Variants in FOXN3 observed in about 807,000 individuals in gnomAD.
FOXN3 encodes forkhead box N3, also known as forkhead box protein N3.
A neutral mutation model predicts 38.4 loss-of-function variants in FOXN3; 7 were observed. The observed-to-expected ratio is 0.18, with a 90% CI of 0.10 to 0.34. The LOEUF is 0.34. FOXN3 is among the 10% of genes least tolerant of loss of function. The pLI is 1.00. For missense variants in FOXN3, 456 were observed against 613.4 expected (o/e 0.74, Z 2.71); for synonymous variants, 230 against 242.2 (o/e 0.95, Z 0.47).
chr14:89,218,859 C>G (rs985690372), intron 4 of FOXN3, among the ~76,000 whole-genome samples: 1 of 152,176 alleles, frequency 6.6e-6, no homozygotes, highest in Non-Finnish European at 1.5e-5. Flanking sequence ...TTCTATTGTA[C>G]GTTTTGTGGC....
chr14:89,263,722 T>C (rs1306201713), intron 4 of FOXN3: 1 of 152,226 alleles, frequency 6.6e-6, no homozygotes, highest in Non-Finnish European at 1.5e-5. Flanking sequence ...AGCAAAGCCC[T>C]TGTATGTGTA....
intron 1 of FOXN3, among the ~76,000 whole-genome samples, chr14:89,611,698 G>C (rs892369450): frequency 7.2e-5 from 11 of 152,010 alleles, no homozygotes; most frequent in South Asian, 4.2e-4. Flanking sequence ...CCCAGCTGCT[G>C]GGGAGGCTGA....
intron 1 of FOXN3, among the ~76,000 whole-genome samples, chr14:89,534,926 A>C (rs1355062993): frequency 6.6e-6 from 1 of 152,214 alleles, no homozygotes; most frequent in Non-Finnish European, 1.5e-5. Flanking sequence ...ATTTCTGCCC[A>C]CATCTCAGAA....
chr14:89,425,243 G>C (rs1017708673), intron 1 of FOXN3, among the ~76,000 whole-genome samples: 9 of 151,864 alleles, frequency 5.9e-5, no homozygotes, highest in Admixed American at 2.0e-4. Context: ...GCTATTGTTT[G>C]TATTTTCAGT....
At chr14:89,478,388 C>T (rs1053152580) in intron 1 of FOXN3, among the ~76,000 whole-genome samples, 2 of 152,150 alleles carry the variant, frequency 1.3e-5, no homozygotes. Context: ...CTAATACAAA[C>T]AAGGGCTGTT....
chr14:89,220,972 C>T (rs775534253), intron 4 of FOXN3, among the ~76,000 whole-genome samples: 1 of 151,974 alleles, frequency 6.6e-6, no homozygotes, highest in South Asian at 2.1e-4. Flanking sequence ...GGTGTTCAAA[C>T]CCTGAAGCTT....
At position 89,350,719 on chromosome 14, in the gene FOXN3, G is replaced by C. The variant is rs755857217; in HGVS notation, c.633C>G (p.His211Gln). Residue 211 changes from histidine (H) to glutamine (Q), a missense_variant, in exon 3 of 6, where the codon CAC becomes CAG. Physicochemically the swap from His to Gln is conservative, Grantham distance 24. Coordinates refer to ENST00000557258, the MANE Select transcript of FOXN3 (RefSeq NM_005197.4). ...QALKKTPYHP[H>Q]PHVFNTPPTC... ...TGGGAGGTGTATTGAACACGTGTGGGTGTGGGTGATAAGGTGTCTTTTTCA... is the reference window on the plus strand; with the variant it reads ...TGGGAGGTGTATTGAACACGTGTGGCTGTGGGTGATAAGGTGTCTTTTTCA... 5 of 1,602,900 alleles carry C rather than the reference G, an allele frequency of 3.1e-6. No homozygotes were observed. Among genetic ancestry groups the C allele is most frequent in the Non-Finnish European group, 4.3e-6 (5 of 1,175,890 alleles).
chr14:89,226,126 G>A (rs1189480504), intron 4 of FOXN3, among the ~76,000 whole-genome samples: 1 of 144,802 alleles, frequency 6.9e-6, no homozygotes, highest in Non-Finnish European at 1.5e-5. Context: ...GGGGAGGGGA[G>A]GGGAAGGAAA....
intron 1 of FOXN3, among the ~76,000 whole-genome samples, chr14:89,604,256 C>T (rs1038893698): frequency 1.7e-4 from 9 of 52,178 alleles, no homozygotes; most frequent in Admixed American, 8.0e-4. Context: ...CGCACACACA[C>T]GCGCGCGCAC....
intron 2 of FOXN3, among the ~76,000 whole-genome samples, chr14:89,405,197 C>T (rs1891356824): frequency 1.3e-5 from 2 of 152,196 alleles, no homozygotes; most frequent in East Asian, 1.9e-4. Context: ...AGTGTAGTGG[C>T]GTGATCTTCA....
At chr14:89,211,774 A>G (rs939044123) in intron 4 of FOXN3, among the ~76,000 whole-genome samples, 3 of 152,220 alleles carry the variant, frequency 2.0e-5, no homozygotes, top group Non-Finnish European at 4.4e-5. Context: ...TGCTAAAAGG[A>G]AGCATTATGA....
intron 1 of FOXN3, among the ~76,000 whole-genome samples, chr14:89,461,977 C>T (rs985764677): frequency 6.6e-5 from 10 of 152,204 alleles, no homozygotes; most frequent in African/African-American, 2.4e-4. Context: ...TGAGCTTCCA[C>T]TCCAGCTAGT....
intron 3 of FOXN3, among the ~76,000 whole-genome samples, chr14:89,325,527 G>A (rs1270308382): frequency 6.6e-6 from 1 of 152,216 alleles, no homozygotes; most frequent in African/African-American, 2.4e-5. Context: ...AGTTCTAAAT[G>A]GAGGGTGGAG....
chr14:89,227,359 G>T (rs1429146759), intron 4 of FOXN3, among the ~76,000 whole-genome samples: 1 of 152,202 alleles, frequency 6.6e-6, no homozygotes, highest in Admixed American at 6.5e-5. Flanking sequence ...CTTCCCAACA[G>T]CTTGGAATAA....
At chr14:89,398,712 C>T (rs1195399480) in intron 2 of FOXN3, among the ~76,000 whole-genome samples, 2 of 152,112 alleles carry the variant, frequency 1.3e-5, no homozygotes, top group Non-Finnish European at 2.9e-5. Flanking sequence ...GGGCTGGGCA[C>T]GGTGGCTTAA....
intron 4 of FOXN3, among the ~76,000 whole-genome samples, chr14:89,231,284 T>C (rs1337655997): frequency 1.3e-5 from 2 of 152,192 alleles, no homozygotes; most frequent in East Asian, 3.8e-4. Flanking sequence ...AAATCAAAAT[T>C]ACCCATATCC....
chr14:89,185,417 G>A (rs1474435675), intron 4 of FOXN3: 4 of 152,302 alleles, frequency 2.6e-5, no homozygotes, highest in East Asian at 1.9e-4. Flanking sequence ...GGGAACATGA[G>A]TCCATTCTTC....
chr14:89,403,161 A>G (rs561249173), intron 2 of FOXN3, among the ~76,000 whole-genome samples: 1 of 152,140 alleles, frequency 6.6e-6, no homozygotes, highest in Non-Finnish European at 1.5e-5. Context: ...TAAACTACTA[A>G]GAGTACAAAA....
chr14:89,423,544 A>G (rs972780019), intron 1 of FOXN3, among the ~76,000 whole-genome samples: 1 of 152,230 alleles, frequency 6.6e-6, no homozygotes, highest in African/African-American at 2.4e-5. Flanking sequence ...CAGGGTTAAT[A>G]TTTTAAATTT....
Sources: gnomAD v4.1 joint callset for allele counts (sites outside exome capture counted in the v4.1 genomes callset) on GRCh38, gnomAD v4.1.1 for gene constraint, MANE v1.5 for transcripts, NCBI Gene and HGNC (gene_info 2026-07-23, HGNC 2026-07-21) for gene names.